Variants in RUNX2 observed in about 807,000 individuals in gnomAD.
RUNX2 encodes RUNX family transcription factor 2, also known as runt-related transcription factor 2.
Under a neutral mutation model 51.7 loss-of-function variants are expected in RUNX2, and 10 were observed. The observed-to-expected ratio is 0.19, with a 90% CI of 0.12 to 0.33. The LOEUF (loss-of-function observed/expected upper bound fraction) is 0.33. Ranked by LOEUF, RUNX2 falls within the 10% of genes least tolerant of loss-of-function variation. The pLI is 1.00. For synonymous variants in RUNX2, 276 were observed against 273.6 expected (o/e 1.01, Z -0.09); for missense variants, 562 against 691.3 (o/e 0.81, Z 2.10).
chr6:45,367,176 A>C (rs1323036871), intron 2 of RUNX2, among the ~76,000 whole-genome samples: 1 of 152,140 alleles, frequency 6.6e-6, no homozygotes, highest in Non-Finnish European at 1.5e-5. Context: ...TAGGTTTGGA[A>C]TATCCCAATA....
intron 2 of RUNX2, among the ~76,000 whole-genome samples, chr6:45,364,274 A>G (rs1040749977): frequency 5.3e-5 from 8 of 152,298 alleles, no homozygotes; most frequent in Admixed American, 3.9e-4. Context: ...TCAATATTGT[A>G]TAAAGTAAGT....
chr6:45,422,676 G>A lies in RUNX2; in HGVS notation c.142G>A (p.Ala48Thr). Reference sequence around the variant, plus strand: ...GAGCGACGTGAGCCCGGTGGTGGCTGCGCAACAGCAGCAGCAACAGCAGCA... The same window carrying A: ...GAGCGACGTGAGCCCGGTGGTGGCTACGCAACAGCAGCAGCAACAGCAGCA... ...KMSDVSPVVA[A>T]QQQQQQQQQQ... The change falls in exon 3 of 9, where the codon GCG becomes ACG. Residue 48 changes from alanine to threonine, a missense_variant. Physicochemically the swap from Ala to Thr is moderately conservative, Grantham distance 58 (BLOSUM62 0). Transcript: ENST00000647337. 2 of 1,605,906 alleles carry A rather than the reference G, an allele frequency of 1.2e-6. No homozygotes were observed. The highest frequency in any genetic ancestry group is 1.7e-6 in the Non-Finnish European group (2 of 1,177,096).
intron 5 of RUNX2, among the ~76,000 whole-genome samples, chr6:45,484,122 T>C (rs1371500951): frequency 3.3e-5 from 5 of 152,156 alleles, no homozygotes; most frequent in African/African-American, 1.2e-4. Context: ...ACCAACAGGG[T>C]TCCATTTTGG....
At chr6:45,369,710 GT>G (rs1481675174) in intron 2 of RUNX2, among the ~76,000 whole-genome samples, 1 of 152,096 alleles carries the variant, frequency 6.6e-6, no homozygotes, top group African/African-American at 2.4e-5. Context: ...GCCAAACACC[GT>G]TCTAAGAGGT....
At chr6:45,453,311 G>T (rs2819863) in intron 5 of RUNX2, among the ~76,000 whole-genome samples, 5 of 152,246 alleles carry the variant, frequency 3.3e-5, no homozygotes, top group Admixed American at 2.6e-4. Context: ...AAAAAAGAAC[G>T]CTCTTCTCAA....
chr6:45,453,555 C>T (rs1026660682), intron 5 of RUNX2, among the ~76,000 whole-genome samples: 11 of 152,208 alleles, frequency 7.2e-5, no homozygotes, highest in African/African-American at 2.2e-4. Context: ...ACCAGTCTCC[C>T]TTTCCTTAAG....
chr6:45,332,450 G>A (rs558568875), intron 2 of RUNX2, among the ~76,000 whole-genome samples: 2 of 151,666 alleles, frequency 1.3e-5, no homozygotes, highest in East Asian at 1.9e-4. Context: ...TGATGCACCC[G>A]TGCATACTTG....
chr6:45,372,668 T>A (rs997985259), intron 2 of RUNX2, among the ~76,000 whole-genome samples: 1 of 152,124 alleles, frequency 6.6e-6, no homozygotes, highest in African/African-American at 2.4e-5. Flanking sequence ...AGAGTACTAT[T>A]TTCTTTTTGA....
At chr6:45,393,825 C>A (rs531886747) in intron 2 of RUNX2, among the ~76,000 whole-genome samples, 2 of 152,128 alleles carry the variant, frequency 1.3e-5, no homozygotes, top group Admixed American at 1.3e-4. Flanking sequence ...CTGGTGAGGG[C>A]CTCAGGAAGC....
intron 2 of RUNX2, among the ~76,000 whole-genome samples, chr6:45,406,237 C>A (rs562121787): frequency 6.7e-6 from 1 of 148,400 alleles, no homozygotes; most frequent in South Asian, 2.1e-4. Context: ...GATAAGGGAA[C>A]TTAACCATAG....
At chr6:45,406,849 C>T (rs1010732316) in intron 2 of RUNX2, among the ~76,000 whole-genome samples, 3 of 152,032 alleles carry the variant, frequency 2.0e-5, no homozygotes, top group African/African-American at 7.3e-5. Flanking sequence ...CAACCCAGTA[C>T]TAGGAAATAT....
At chr6:45,442,256 C>T (rs1191860016) in intron 5 of RUNX2, among the ~76,000 whole-genome samples, 3 of 152,180 alleles carry the variant, frequency 2.0e-5, no homozygotes, top group Non-Finnish European at 4.4e-5. Context: ...TAAGACATGA[C>T]ATCATACTTA....
chr6:45,518,312 C>T (rs1280122549), intron 7 of RUNX2, among the ~76,000 whole-genome samples: 2 of 152,084 alleles, frequency 1.3e-5, no homozygotes, highest in African/African-American at 2.4e-5. Flanking sequence ...TTGAATGTTC[C>T]GTATTCTTCA....
intron 7 of RUNX2, among the ~76,000 whole-genome samples, chr6:45,529,270 G>T (rs1447716170): frequency 2.0e-5 from 3 of 152,122 alleles, no homozygotes; most frequent in African/African-American, 7.2e-5. Flanking sequence ...CCATTTGTTA[G>T]TTTGTTTTAA....
intron 2 of RUNX2, among the ~76,000 whole-genome samples, chr6:45,379,877 A>G (rs937630853): frequency 1.3e-5 from 2 of 152,132 alleles, no homozygotes; most frequent in East Asian, 3.9e-4. Flanking sequence ...AAAGAAAAAA[A>G]AAAATCACGC....
intron 4 of RUNX2, among the ~76,000 whole-genome samples, chr6:45,437,700 T>G (rs564861265): frequency 6.6e-6 from 1 of 152,296 alleles, no homozygotes; most frequent in Admixed American, 6.5e-5. Context: ...GAGGAGCTTT[T>G]TTGGAATTGG....
At position 45,547,352 on chromosome 6, in the gene RUNX2, C is replaced by A; in HGVS notation, c.*47C>A. The stretch of plus-strand genomic sequence containing the variant: ...TGGTATCTGGGGGCCACATCCCACA[C>A]GTATCAATATATACATATATAGAGA... On this transcript the variant is annotated 3_prime_UTR_variant, in exon 9 of 9. Coordinates refer to ENST00000647337, the MANE Select transcript of RUNX2 (RefSeq NM_001024630.4). 1 of 1,347,308 alleles carries A rather than the reference C, an allele frequency of 7.4e-7. No homozygotes were observed. Among genetic ancestry groups the A allele is most frequent in the South Asian group, 1.2e-5 (1 of 85,588 alleles). 83.5% of individuals were successfully genotyped at this position (1,347,308 alleles called of 1,614,324 possible).
chr6:45,357,337 A>AT (rs1344616721), intron 2 of RUNX2, among the ~76,000 whole-genome samples: 1 of 149,380 alleles, frequency 6.7e-6, no homozygotes, highest in Non-Finnish European at 1.5e-5. Flanking sequence ...TACCTTTTTT[A>AT]TTTTTTATTT....
chr6:45,512,605 A>C (rs1467709029), intron 7 of RUNX2, among the ~76,000 whole-genome samples, 198 bp downstream of exon 7: 1 of 152,054 alleles, frequency 6.6e-6, no homozygotes, highest in Non-Finnish European at 1.5e-5. Flanking sequence ...GAGACTGAAA[A>C]TCCGCTAGAG....
Sources: allele counts gnomAD v4.1 joint callset (sites outside exome capture counted in the v4.1 genomes callset), GRCh38; gene constraint gnomAD v4.1.1; transcripts MANE v1.5; gene names NCBI Gene and HGNC (gene_info 2026-07-23, HGNC 2026-07-21).